DIPK1A: variants seen among roughly 807,000 people sequenced by gnomAD.
DIPK1A encodes the protein family with sequence similarity 69 member A.
In DIPK1A, 27 loss-of-function variants were observed where a neutral mutation model predicts 40.8. That is an observed-to-expected ratio of 0.66 (90% CI 0.49 to 0.91). DIPK1A has a LOEUF of 0.91. Among genes scored for constraint, DIPK1A ranks in the 40% least tolerant of loss-of-function variants. The pLI is 0.00. For missense variants in DIPK1A, 412 were observed against 505.7 expected, an observed-to-expected ratio of 0.81 and a Z score of 1.78; for synonymous variants, 166 against 171.3, an observed-to-expected ratio of 0.97 and a Z score of 0.24.
chr1:92,924,445 C>T (rs545057542), intron 1 of DIPK1A, among the ~76,000 whole-genome samples: 1 of 152,170 alleles, frequency 6.6e-6, no homozygotes, highest in African/African-American at 2.4e-5. Flanking sequence ...CACTATATAA[C>T]CCGCACGGAT....
At chr1:92,848,247 G>T (rs1178562662) in intron 3 of DIPK1A, among the ~76,000 whole-genome samples, 2 of 152,122 alleles carry the variant, frequency 1.3e-5, no homozygotes, top group African/African-American at 4.8e-5. Flanking sequence ...TTAATCCAAA[G>T]AAAACATTAT....
intron 1 of DIPK1A, chr1:92,933,664 T>C (rs1245364215): frequency 6.6e-6 from 1 of 152,202 alleles, no homozygotes; most frequent in Non-Finnish European, 1.5e-5. Context: ...CCGGATGTGT[T>C]GACATTAATG....
chr1:92,855,236 G>A (rs543952373), intron 2 of DIPK1A, among the ~76,000 whole-genome samples: 2 of 152,302 alleles, frequency 1.3e-5, no homozygotes, highest in South Asian at 2.1e-4. Flanking sequence ...AACAATGCAA[G>A]TGTATATATC....
intron 1 of DIPK1A, among the ~76,000 whole-genome samples, chr1:92,935,950 A>T (rs988915040): frequency 6.6e-5 from 10 of 151,780 alleles, no homozygotes; most frequent in African/African-American, 2.2e-4. Context: ...TGGAACATCT[A>T]CTCTGGTGGC....
chr1:92,858,032 T>A (rs762284307), intron 2 of DIPK1A, among the ~76,000 whole-genome samples: 1 of 152,216 alleles, frequency 6.6e-6, no homozygotes, highest in Non-Finnish European at 1.5e-5. Context: ...GAGGACTTTG[T>A]ACAATGCCTG....
chr1:92,911,174 G>A (rs1649811227), intron 1 of DIPK1A, among the ~76,000 whole-genome samples: 1 of 152,120 alleles, frequency 6.6e-6, no homozygotes, highest in African/African-American at 2.4e-5. Context: ...AAAACCTAAT[G>A]TCCATTGTAA....
intron 1 of DIPK1A, among the ~76,000 whole-genome samples, chr1:92,898,530 C>T (rs1009562419): frequency 2.6e-5 from 4 of 152,124 alleles, no homozygotes; most frequent in Non-Finnish European, 4.4e-5. Context: ...GGATAGAGTG[C>T]GGTGGTATGA....
chr1:92,887,485 TTCA>T (rs140430927), intron 1 of DIPK1A, among the ~76,000 whole-genome samples: 2,530 of 152,098 alleles, frequency 0.017, 45 homozygotes, highest in Non-Finnish European at 0.022. Flanking sequence ...CTTGCTCTCT[TTCA>T]TGTCAGATAC....
rs117635200 is a variant in DIPK1A at position 92,918,485 on chromosome 1, A to T, written c.55-42055T>A. Among the ~76,000 whole-genome samples, 3 of 152,328 alleles carry T rather than the reference A, an allele frequency of 2.0e-5. No homozygotes were observed. The East Asian group carries it at 5.8e-4, about 29-fold the overall frequency. ...CTTTACTGTAAACTACAGAACATCA[A>T]GAAATTTCTCATTTATAAATACATT... On this transcript the variant is annotated intron_variant, in intron 1 of 4. Transcript: ENST00000370310.
intron 2 of DIPK1A, among the ~76,000 whole-genome samples, chr1:92,875,091 C>G (rs1358114603): frequency 6.6e-6 from 1 of 152,076 alleles, no homozygotes; most frequent in African/African-American, 2.4e-5. Flanking sequence ...GTTTTTGTAT[C>G]CTAACTGATG....
chr1:92,860,677 G>C (rs1464703607), intron 2 of DIPK1A, among the ~76,000 whole-genome samples: 2 of 131,788 alleles, frequency 1.5e-5, no homozygotes, highest in South Asian at 2.6e-4. Context: ...CCAGCTACTG[G>C]GGTGGCTGAG....
At chr1:92,868,707 T>C (rs1204733183) in intron 2 of DIPK1A, among the ~76,000 whole-genome samples, 1 of 152,178 alleles carries the variant, frequency 6.6e-6, no homozygotes, top group African/African-American at 2.4e-5. Flanking sequence ...GGCTCATACC[T>C]GTAATCCCAG....
At chr1:92,863,558 C>G (rs1216090918) in intron 2 of DIPK1A, among the ~76,000 whole-genome samples, 1 of 135,352 alleles carries the variant, frequency 7.4e-6, no homozygotes, top group Non-Finnish European at 1.6e-5. Flanking sequence ...CATAGAAAGA[C>G]CCCTGTCTCT....
intron 4 of DIPK1A, 97 bp from the exon 5 acceptor site, chr1:92,844,292 T>C (rs1687502027): frequency 1.4e-6 from 1 of 740,002 alleles, no homozygotes; most frequent in Non-Finnish European, 2.2e-6. Context: ...ATGCCAGAAA[T>C]AATCTTGGTA....
rs747703119 is a variant in DIPK1A, at chr1:92,833,530, A to AT, written c.475-497dup. ...GCAGTGGAGTATCCTTTCTACAATT[A>AT]TTTTTTTCTTTCAGAGGGTAAAACT... On this transcript the variant is annotated intron_variant, in intron 4 of 4. Transcript: ENST00000615519. 1.2e-6 allele frequency: 2 copies of AT among 1,612,608 alleles called. No individual in the cohort carries two copies. Among genetic ancestry groups the AT allele is most frequent in the Non-Finnish European group, 1.7e-6 (2 of 1,178,776 alleles).
intron 1 of DIPK1A, among the ~76,000 whole-genome samples, chr1:92,893,312 A>G (rs1283441290): frequency 3.3e-4 from 50 of 151,770 alleles, no homozygotes; most frequent in Non-Finnish European, 7.2e-4. Flanking sequence ...TCTCGGCAGA[A>G]ACTCTACAAG....
At chr1:92,959,237 G>T (rs1025843419) in intron 1 of DIPK1A, among the ~76,000 whole-genome samples, 4 of 152,022 alleles carry the variant, frequency 2.6e-5, no homozygotes, top group Admixed American at 1.3e-4. Flanking sequence ...AGTGAGCCCA[G>T]ATGGCACCAC....
At position 92,842,452 on chromosome 1, in the gene DIPK1A, A is replaced by G; in HGVS notation, c.*931T>C. 3.1e-6 allele frequency: 3 copies of G among 978,428 alleles called. No individual in the cohort carries two copies. Among genetic ancestry groups the G allele is most frequent in the South Asian group, 4.7e-5 (1 of 21,146 alleles). The allele number at this position is 978,428 out of a possible 1,614,324, so 60.6% of individuals were successfully genotyped here. On this transcript the variant is annotated 3_prime_UTR_variant, in exon 5 of 5. Coordinates refer to ENST00000370310, the MANE Select transcript of DIPK1A (RefSeq NM_001006605.5). The stretch of plus-strand genomic sequence containing the variant: ...TAATATGAAAGAGGAGCAAATACTA[A>G]ACCTTGTATATCAAGTTTACATGGG...
chr1:92,885,650 C>G (rs1480736172), intron 1 of DIPK1A, among the ~76,000 whole-genome samples: 2 of 152,148 alleles, frequency 1.3e-5, no homozygotes, highest in African/African-American at 4.8e-5. Context: ...GCTACCGTGC[C>G]CAGTCCCATC....
Sources: allele counts gnomAD v4.1 joint callset (sites outside exome capture counted in the v4.1 genomes callset), GRCh38; gene constraint gnomAD v4.1.1; transcripts MANE v1.5; gene names NCBI Gene and HGNC (gene_info 2026-07-23, HGNC 2026-07-21).